The following DFFB variants were observed in gnomAD, a reference collection of about 807,000 sequenced individuals.
DFFB encodes DNA fragmentation factor 40 kDa subunit.
DFFB carries 29 observed loss-of-function variants against 32.7 expected under a neutral mutation model. The observed-to-expected ratio is 0.89, with a 90% CI of 0.66 to 1.21. The LOEUF is 1.21. DFFB is among the 50% of genes most tolerant of loss of function. The pLI, the probability that DFFB is intolerant of heterozygous loss-of-function variation, is 0.00. For synonymous variants in DFFB, 170 were observed against 177.1 expected (o/e 0.96, Z 0.32); for missense variants, 398 against 440.6 (o/e 0.90, Z 0.87).
At position 3,858,992 on chromosome 1, in the gene DFFB, C is replaced by T. The variant is rs535605119; in HGVS notation, c.241+148C>T. On this transcript the variant is annotated intron_variant, in intron 2 of 6. Transcript: ENST00000378209. ...AGGAGGAAGCCCTCTGGAGGCAGAA[C>T]TGGTCAGCGTCGCTTAGGTGGCAGA... 57 of 1,196,108 alleles carry T rather than the reference C, an allele frequency of 4.8e-5. No homozygotes were observed. The African/African-American group carries it at 6.9e-4, about 15-fold the overall frequency. 74.1% of individuals were successfully genotyped at this position (1,196,108 alleles called of 1,614,324 possible). A position where few individuals can be genotyped will look rare whatever the true frequency, so the allele number is the denominator to read the frequency against.
chr1:3,868,831 C>T (rs1000443542), intron 4 of DFFB, among the ~76,000 whole-genome samples: 7 of 152,260 alleles, frequency 4.6e-5, no homozygotes, highest in Non-Finnish European at 8.8e-5. Context: ...CCCACGCCCT[C>T]GGCCCACTCC....
rs1279004201 is a variant in DFFB at position 3,885,202 on chromosome 1, AAC to A, written c.*1464_*1465del. On this transcript the variant is annotated 3_prime_UTR_variant, in exon 7 of 7. Transcript: ENST00000378209. ...GGTGCACAGAGACGGTCTGGAAGGA[AAC>A]ACGCGGATCTGAACAGCAGTAATCC... 6.6e-6 allele frequency: 1 copy of A among 152,178 alleles called. No individual in the cohort carries two copies. The highest frequency in any genetic ancestry group is 1.5e-5 in the Non-Finnish European group (1 of 68,048). 9.4% of individuals were successfully genotyped at this position (152,178 alleles called of 1,614,324 possible).
intron 5 of DFFB, 28 bp from the exon 6 acceptor site, chr1:3,872,444 C>T (rs1429862666): frequency 6.5e-7 from 1 of 1,545,714 alleles, no homozygotes; most frequent in East Asian, 2.2e-5. Flanking sequence ...CACTTTCTGG[C>T]CTTCCCTCAT....
chr1:3,874,842 C>T (rs909413166), intron 6 of DFFB, among the ~76,000 whole-genome samples: 1 of 151,292 alleles, frequency 6.6e-6, no homozygotes, highest in African/African-American at 2.4e-5. Context: ...TGCACCTTTA[C>T]CACATGCGTG....
intron 6 of DFFB, among the ~76,000 whole-genome samples, chr1:3,881,142 G>A (rs959746478): frequency 1.1e-4 from 17 of 152,330 alleles, no homozygotes; most frequent in African/African-American, 4.1e-4. Context: ...TCTGAACACT[G>A]CCATGGCCAT....
chr1:3,878,911 C>T (rs547091049), intron 6 of DFFB, among the ~76,000 whole-genome samples: 76 of 152,304 alleles, frequency 5.0e-4, no homozygotes, highest in African/African-American at 8.9e-4. Context: ...GTTTCTTCCA[C>T]GAGTGGCTGT....
intron 3 of DFFB, 67 bp downstream of exon 3, chr1:3,866,067 A>C (rs1644974286): frequency 1.3e-5 from 18 of 1,369,322 alleles, no homozygotes; most frequent in Non-Finnish European, 1.8e-5. Flanking sequence ...AAGAAGTTGG[A>C]TTCCAAAAAG....
intron 2 of DFFB, among the ~76,000 whole-genome samples, chr1:3,863,744 G>A (rs1644921704): frequency 6.6e-6 from 1 of 152,120 alleles, no homozygotes. Flanking sequence ...TGCACATACA[G>A]TAGGGTTCCA....
In DFFB at chr1:3,883,995, C is replaced by A; in HGVS notation, c.*254C>A. On this transcript the variant is annotated 3_prime_UTR_variant, in exon 7 of 7. Coordinates refer to ENST00000378209, the MANE Select transcript of DFFB (RefSeq NM_004402.4). The stretch of plus-strand genomic sequence containing the variant: ...AGGCTGGAGTGTAGTGGCGCGATCT[C>A]GGCTCAGCCTCCCGAGTAGCTGGGA... The A allele has an allele frequency of 2.2e-6, 1 of 457,558 alleles. No individual in the cohort carries two copies. The highest frequency in any genetic ancestry group is 4.0e-6 in the Non-Finnish European group (1 of 252,844). The allele number at this position is 457,558 out of a possible 1,614,324, so 28.3% of individuals were successfully genotyped here.
At chr1:3,878,190 C>T (rs1337031542) in intron 6 of DFFB, among the ~76,000 whole-genome samples, 2 of 148,490 alleles carry the variant, frequency 1.3e-5, no homozygotes, top group Admixed American at 6.8e-5. Context: ...CTTGCTGTGT[C>T]GCCCGGGCTG....
chr1:3,858,318 A>C (rs999040947), intron 1 of DFFB, among the ~76,000 whole-genome samples: 5 of 152,198 alleles, frequency 3.3e-5, no homozygotes, highest in African/African-American at 1.2e-4. Context: ...CACAGAGGCA[A>C]CCAACCGTTC....
Position 3,883,526 on chromosome 1 carries a change from A to G in DFFB, c.802A>G (p.Ile268Val). The G allele has an allele frequency of 6.2e-7, 1 of 1,614,200 alleles. No homozygotes were observed. The highest frequency in any genetic ancestry group is 8.5e-7 in the Non-Finnish European group (1 of 1,180,048). The change falls in exon 7 of 7, where the codon ATC becomes GTC. Residue 268 changes from isoleucine to valine, a missense_variant. Ile to Val is a conservative substitution (Grantham distance 29, BLOSUM62 3). Coordinates refer to ENST00000378209, the MANE Select transcript of DFFB (RefSeq NM_004402.4). Reference sequence around the variant, plus strand: ...TTGCAGAATAGAAAAGAAACGCACCATCATTCCTACACTGGTGGAAGCAAT... The same window carrying G: ...TTGCAGAATAGAAAAGAAACGCACCGTCATTCCTACACTGGTGGAAGCAAT... ...LDHIIEKKRTIIPTLVEAIKE... is the reference protein window; with the variant it reads ...LDHIIEKKRTVIPTLVEAIKE...
At chr1:3,870,801 G>C (rs1400700506) in intron 5 of DFFB, among the ~76,000 whole-genome samples, 2 of 152,130 alleles carry the variant, frequency 1.3e-5, no homozygotes, top group East Asian at 1.9e-4. Context: ...AGCTGGGAGG[G>C]ACCAGGTGCT....
chr1:3,866,703 G>A lies in DFFB; in HGVS notation c.430+703G>A, dbSNP rs1157477655. The stretch of plus-strand genomic sequence containing the variant: ...CCTTCCACCTTGCAAAGCTGAACCC[G>A]TGTCCCTGTTACATCACTCCCCCTT... On this transcript the variant is annotated intron_variant, in intron 3 of 6. Coordinates refer to ENST00000378209, the MANE Select transcript of DFFB (RefSeq NM_004402.4). Among the ~76,000 whole-genome samples, 4 of 152,016 alleles carry A rather than the reference G, an allele frequency of 2.6e-5. No individual in the cohort carries two copies. The East Asian group carries it at 5.8e-4, about 22-fold the overall frequency.
intron 5 of DFFB, among the ~76,000 whole-genome samples, chr1:3,871,812 G>T (rs577340061): frequency 6.6e-6 from 1 of 152,176 alleles, no homozygotes; most frequent in African/African-American, 2.4e-5. Context: ...CTCAGCTGCC[G>T]GGGAGGCCTC....
At chr1:3,869,883 G>A (rs1570919314) in intron 5 of DFFB, 108 bp downstream of exon 5, 14 of 1,213,064 alleles carry the variant, frequency 1.2e-5, no homozygotes, top group Middle Eastern at 5.0e-4. Context: ...CCTGGGCAAA[G>A]CCTTGTGAAG....
Position 3,883,677 on chromosome 1 carries a change from C to T in DFFB, c.953C>T (p.Pro318Leu), listed in dbSNP as rs1638247417. The change falls in exon 7 of 7, where the codon CCA (proline) becomes CTA (leucine). Residue 318 changes from proline to leucine, a missense_variant. Coordinates refer to ENST00000378209, the MANE Select transcript of DFFB (RefSeq NM_004402.4). The stretch of plus-strand genomic sequence containing the variant: ...ACCACCCACAAGCTCAACTGTGACC[C>T]AAGCAGAATCTACAAACCCCAGACA... ...KKTTHKLNCDPSRIYKPQTRL... is the reference protein window; with the variant it reads ...KKTTHKLNCDLSRIYKPQTRL... 2 of 1,614,122 alleles carry T rather than the reference C, an allele frequency of 1.2e-6. No individual in the cohort carries two copies. Among genetic ancestry groups the T allele is most frequent in the Non-Finnish European group, 1.7e-6 (2 of 1,180,032 alleles).
intron 6 of DFFB, among the ~76,000 whole-genome samples, chr1:3,875,449 T>A (rs1307151609): frequency 6.6e-6 from 1 of 152,150 alleles, no homozygotes; most frequent in African/African-American, 2.4e-5. Context: ...CTGTTCCCTC[T>A]CTGAGCCTGG....
At chr1:3,877,872 C>G (rs1039927146) in intron 6 of DFFB, among the ~76,000 whole-genome samples, 1 of 142,772 alleles carries the variant, frequency 7.0e-6, no homozygotes, top group Admixed American at 7.2e-5. Context: ...TATTCTGTGC[C>G]GGCTTTCTCT....
Sources: gnomAD v4.1 joint callset for allele counts (sites outside exome capture counted in the v4.1 genomes callset) on GRCh38, gnomAD v4.1.1 for gene constraint, MANE v1.5 for transcripts, NCBI Gene and HGNC (gene_info 2026-07-23, HGNC 2026-07-21) for gene names.